TMCC1: variants seen among roughly 807,000 people sequenced by gnomAD.
TMCC1 encodes the protein transmembrane and coiled-coil domain family 1, also known as transmembrane and coiled-coil domains protein 1.
Under a neutral mutation model 52.4 loss-of-function variants are expected in TMCC1, and 15 were observed. The ratio of observed to expected loss-of-function variants is 0.29; its 90% confidence interval spans 0.19 to 0.44. The LOEUF is 0.44. Ranked by LOEUF, TMCC1 falls within the 20% of genes least tolerant of loss-of-function variation. The pLI, the probability that TMCC1 is intolerant of heterozygous loss-of-function variation, is 1.00. For missense variants in TMCC1, 503 were observed against 806.0 expected, an observed-to-expected ratio of 0.62 and a Z score of 4.55; for synonymous variants, 279 against 301.9, an observed-to-expected ratio of 0.92 and a Z score of 0.79.
At chr3:129,850,539 A>G (rs927637953) in intron 2 of TMCC1, among the ~76,000 whole-genome samples, 3 of 152,232 alleles carry the variant, frequency 2.0e-5, no homozygotes, top group African/African-American at 7.2e-5. Context: ...CCTGTTCAAC[A>G]GTGGGGCTTC....
chr3:129,755,932 TC>T (rs763267449), intron 4 of TMCC1, among the ~76,000 whole-genome samples: 21 of 152,116 alleles, frequency 1.4e-4, no homozygotes, highest in Admixed American at 5.9e-4. Flanking sequence ...ACCCTGTCTC[TC>T]CTAAAAATAC....
intron 4 of TMCC1, among the ~76,000 whole-genome samples, chr3:129,798,687 G>T (rs1360757448): frequency 1.3e-5 from 2 of 152,170 alleles, no homozygotes; most frequent in Non-Finnish European, 2.9e-5. Context: ...ACAAAATTCA[G>T]TAATTTCTCC....
intron 2 of TMCC1, among the ~76,000 whole-genome samples, chr3:129,865,713 A>G (rs2060592356): frequency 6.6e-6 from 1 of 152,202 alleles, no homozygotes; most frequent in Non-Finnish European, 1.5e-5. Context: ...AACAGGGAAG[A>G]CATGTTTCAG....
rs2058756769 is a variant in TMCC1, at chr3:129,828,522, CAAAAAAACAAAAAAACAAA to C, written c.-130-33_-130-15del. 3.4e-6 allele frequency: 2 copies of C among 585,196 alleles called. No homozygotes were observed. The highest frequency in any genetic ancestry group is 5.8e-5 in the South Asian group (2 of 34,462). 36.3% of individuals were successfully genotyped at this position (585,196 alleles called of 1,614,324 possible). A position where few individuals can be genotyped will look rare whatever the true frequency, so the allele number is the denominator to read the frequency against. On this transcript the variant is annotated splice_polypyrimidine_tract_variant and intron_variant, in intron 3 of 6. Transcript: ENST00000393238. This position sits in a 1 kb window ranked among gnomAD's most constrained non-coding sequence, Gnocchi z 4.1. Reference sequence around the variant, plus strand: ...CTTCATGCCTATCTAATGTTAAAAACAAAAAAACAAAAAAACAAAAAAAAAACCTTATATTATAAATCCA... The same window carrying C: ...CTTCATGCCTATCTAATGTTAAAAACAAAAAAACCTTATATTATAAATCCA...
chr3:129,752,308 G>A (rs368495362), intron 4 of TMCC1, among the ~76,000 whole-genome samples: 161 of 152,064 alleles, frequency 1.1e-3, no homozygotes, highest in African/African-American at 3.4e-3. Flanking sequence ...TCACTAGAAC[G>A]GAATTTTTGA....
At position 129,828,113 on chromosome 3, in the gene TMCC1, C is replaced by T. The variant is rs375087483; in HGVS notation, c.266G>A (p.Cys89Tyr). Residue 89 changes from cysteine to tyrosine, a missense_variant, in exon 4 of 7, where the codon TGT becomes TAT. Physicochemically the swap from Cys to Tyr is radical, Grantham distance 194. Around this residue, in one of 7 missense-constraint regions of TMCC1, gnomAD observed 217 missense variants for 297.9 expected, o/e 0.73. Coordinates refer to ENST00000393238, the MANE Select transcript of TMCC1 (RefSeq NM_001017395.5). The surrounding 1 kb of genome is among the most constrained non-coding windows in gnomAD (Gnocchi z 4.1). Reference protein sequence around the residue: ...PEMDLESQNACAEIDGVPTHP... With the variant: ...PEMDLESQNAYAEIDGVPTHP... ...GGTGGGGACACCATCAATCTCAGCA[C>T]ATGCGTTCTGGCTTTCCAGATCCAT... 10 of 1,614,058 alleles carry T rather than the reference C, an allele frequency of 6.2e-6. No individual in the cohort carries two copies. In the African/African-American group the frequency reaches 1.1e-4, roughly 17 times the overall value.
chr3:129,763,841 T>C (rs1287778005), intron 4 of TMCC1, among the ~76,000 whole-genome samples: 1 of 148,106 alleles, frequency 6.8e-6, no homozygotes, highest in Non-Finnish European at 1.5e-5. Flanking sequence ...AATAAATAAA[T>C]AAATAAACAA....
chr3:129,772,969 T>C (rs949934075), intron 4 of TMCC1, among the ~76,000 whole-genome samples: 6 of 152,154 alleles, frequency 3.9e-5, no homozygotes, highest in Non-Finnish European at 5.9e-5. Flanking sequence ...CCTCTTTCGA[T>C]GGAAATATCT....
In TMCC1 at chr3:129,670,647, C is replaced by T; in HGVS notation, c.1194G>A (p.Val398=). 1.2e-6 allele frequency: 2 copies of T among 1,614,240 alleles called. No homozygotes were observed. The highest frequency in any genetic ancestry group is 8.5e-7 in the Non-Finnish European group (1 of 1,180,046). The change falls in exon 5 of 7, where the codon GTG becomes GTA. Residue 398 remains valine, a synonymous_variant. Coordinates refer to ENST00000393238, the MANE Select transcript of TMCC1 (RefSeq NM_001017395.5). The stretch of plus-strand genomic sequence containing the variant: ...CTCCCAAAGCCTTCCCCGCATCATC[C>T]ACTTGCCCTTCCTCTAAAGAGTCCT... The part of the protein sequence containing the change: ...NLKDSLEEGQ[V]DDAGKALGVI...
intron 4 of TMCC1, among the ~76,000 whole-genome samples, chr3:129,731,971 T>G (rs564172935): frequency 6.6e-6 from 1 of 152,298 alleles, no homozygotes; most frequent in East Asian, 1.9e-4. Flanking sequence ...CCCAATGCAA[T>G]GCCTACACAT....
intron 6 of TMCC1, among the ~76,000 whole-genome samples, chr3:129,652,186 C>T (rs1434207543): frequency 1.3e-5 from 2 of 152,172 alleles, no homozygotes; most frequent in African/African-American, 4.8e-5. Flanking sequence ...CCTTCAATTC[C>T]AATCCCTGTC....
At chr3:129,729,446 T>A (rs80199713) in intron 4 of TMCC1, among the ~76,000 whole-genome samples, 2,582 of 152,346 alleles carry the variant, frequency 0.017, 35 homozygotes, top group Non-Finnish European at 0.025. Flanking sequence ...ATGTATTATA[T>A]AGGGTTTAAA....
chr3:129,820,904 A>G (rs1034150477), intron 4 of TMCC1, among the ~76,000 whole-genome samples: 3 of 152,220 alleles, frequency 2.0e-5, no homozygotes, highest in Admixed American at 2.0e-4. Context: ...GGTTAGTAAG[A>G]GGTGGCGACT....
intron 4 of TMCC1, among the ~76,000 whole-genome samples, chr3:129,786,124 G>C (rs2056013058): frequency 6.6e-6 from 1 of 151,980 alleles, no homozygotes; most frequent in South Asian, 2.1e-4. Context: ...ATTTTTAGTA[G>C]AGATGGGGTT....
chr3:129,678,833 A>C (rs2088706202), intron 4 of TMCC1, among the ~76,000 whole-genome samples: 1 of 152,202 alleles, frequency 6.6e-6, no homozygotes, highest in Non-Finnish European at 1.5e-5. Context: ...ATGTGTTATT[A>C]ACCACTATGT....
intron 2 of TMCC1, among the ~76,000 whole-genome samples, chr3:129,841,828 C>T (rs1366359754): frequency 6.6e-6 from 1 of 152,240 alleles, no homozygotes; most frequent in Admixed American, 6.5e-5. Context: ...TCTGCCCCCA[C>T]TCCTGCCACC....
At chr3:129,712,987 C>T (rs1278481491) in intron 4 of TMCC1, among the ~76,000 whole-genome samples, 3 of 152,002 alleles carry the variant, frequency 2.0e-5, no homozygotes, top group Admixed American at 6.5e-5. Flanking sequence ...GAAGGCTGGG[C>T]GTGGTGGCTC....
chr3:129,750,569 AAT>A (rs1491451422), intron 4 of TMCC1, among the ~76,000 whole-genome samples: 16 of 106,266 alleles, frequency 1.5e-4, no homozygotes, highest in African/African-American at 5.5e-4. Context: ...AATAGATCTA[AAT>A]TTTTTTTTTT....
intron 4 of TMCC1, among the ~76,000 whole-genome samples, chr3:129,731,099 T>C (rs2050502849): frequency 6.6e-6 from 1 of 152,128 alleles, no homozygotes; most frequent in Admixed American, 6.5e-5. Flanking sequence ...AAATCAAACC[T>C]AGCAATGTAT....
Sources: gnomAD v4.1 joint callset for allele counts (sites outside exome capture counted in the v4.1 genomes callset) on GRCh38, gnomAD v4.1.1 for gene constraint, gnomAD v4.1.1 regional missense constraint, Gnocchi (gnomAD v3.1) non-coding constraint, MANE v1.5 for transcripts, NCBI Gene and HGNC (gene_info 2026-07-23, HGNC 2026-07-21) for gene names.